Variants in ANO4 observed in about 807,000 individuals in gnomAD.
ANO4 encodes the protein anoctamin 4.
ANO4 carries 69 observed loss-of-function variants against 141.9 expected under a neutral mutation model. The ratio of observed to expected loss-of-function variants is 0.49; its 90% CI spans 0.40 to 0.59. ANO4 has a LOEUF of 0.59. ANO4 is among the 20% of genes least tolerant of loss of function. The pLI is 0.00. For synonymous variants in ANO4, 350 were observed against 394.3 expected (o/e 0.89, Z 1.33); for missense variants, 894 against 1,162.2 (o/e 0.77, Z 3.36).
chr12:101,082,730 A>G (rs1171036153), intron 15 of ANO4, among the ~76,000 whole-genome samples: 1 of 151,578 alleles, frequency 6.6e-6, no homozygotes, highest in African/African-American at 2.4e-5. Context: ...GCTGCTGCCA[A>G]ACTGGGCTCT....
At chr12:100,884,315 A>G (rs2039716029) in intron 1 of ANO4, among the ~76,000 whole-genome samples, 1 of 151,994 alleles carries the variant, frequency 6.6e-6, no homozygotes, top group Non-Finnish European at 1.5e-5. Flanking sequence ...ATGGTCAGTT[A>G]AGGAAATTAA....
At chr12:100,827,223 C>A (rs933455598) in intron 1 of ANO4, among the ~76,000 whole-genome samples, 56 of 152,114 alleles carry the variant, frequency 3.7e-4, no homozygotes, top group African/African-American at 1.3e-3. Flanking sequence ...GCCACACAGG[C>A]CCTTTTGATG....
intron 2 of ANO4, among the ~76,000 whole-genome samples, chr12:100,909,126 G>A (rs2136057192): frequency 6.6e-6 from 1 of 152,286 alleles, no homozygotes; most frequent in Admixed American, 6.5e-5. Flanking sequence ...AATGTGGATG[G>A]AAAACCTAAA....
intron 3 of ANO4, among the ~76,000 whole-genome samples, chr12:100,924,562 C>T (rs538101790): frequency 2.2e-4 from 33 of 151,972 alleles, no homozygotes; most frequent in Admixed American, 3.9e-4. Context: ...CTATTTATTC[C>T]GGTTGAACAA....
intron 16 of ANO4, among the ~76,000 whole-genome samples, chr12:101,084,579 A>G (rs2049408521): frequency 1.3e-5 from 2 of 152,162 alleles, no homozygotes; most frequent in South Asian, 4.1e-4. Context: ...GGACAAGACT[A>G]TAGCAAATTC....
chr12:100,899,620 T>G (rs946281915), intron 1 of ANO4, among the ~76,000 whole-genome samples: 2 of 152,222 alleles, frequency 1.3e-5, no homozygotes, highest in Non-Finnish European at 2.9e-5. Context: ...CCTTAAGATT[T>G]GCTAGAGTTT....
chr12:100,784,308 T>A (rs1565873368), intron 3 of ANO4, among the ~76,000 whole-genome samples: 1 of 152,174 alleles, frequency 6.6e-6, no homozygotes, highest in East Asian at 1.9e-4. Flanking sequence ...TTCCCTCTTG[T>A]AGGGATCTTC....
At chr12:101,110,673 AT>A in intron 23 of ANO4, 117 bp downstream of exon 23, 1 of 912,942 alleles carries the variant, frequency 1.1e-6, no homozygotes, top group Non-Finnish European at 1.5e-6. Context: ...AATTCACCTA[AT>A]TTTTGCAAAG....
chr12:101,096,171 A>G (rs1418332787), intron 18 of ANO4, among the ~76,000 whole-genome samples: 1 of 150,486 alleles, frequency 6.6e-6, no homozygotes, highest in African/African-American at 2.4e-5. Context: ...CTAAGCCTGC[A>G]TAGATTAAGA....
At chr12:100,739,790 A>G (rs2031782317) in intron 2 of ANO4, 1 of 680,344 alleles carries the variant, frequency 1.5e-6, no homozygotes, top group Non-Finnish European at 2.7e-6. Context: ...TTGGGGAAGT[A>G]TGAAAATAAG....
intron 5 of ANO4, among the ~76,000 whole-genome samples, chr12:100,958,775 G>T (rs1408365842): frequency 1.3e-5 from 2 of 152,202 alleles, no homozygotes; most frequent in African/African-American, 4.8e-5. Context: ...TTGAGACTGG[G>T]AGGTTGAGGC....
At chr12:100,921,982 A>C (rs953288629) in intron 2 of ANO4, among the ~76,000 whole-genome samples, 4 of 152,130 alleles carry the variant, frequency 2.6e-5, no homozygotes, top group African/African-American at 9.7e-5. Flanking sequence ...GTGTTTCCTT[A>C]TAAAAAAGTA....
rs1593379234 is a variant in ANO4 at position 100,806,523 on chromosome 12, C to CTTTTTTTTTTTTTTTTTT, written c.-141+11496_-141+11497insTTTTTTTTTTTTTTTTTT. Among the ~76,000 whole-genome samples the CTTTTTTTTTTTTTTTTTT allele has an allele frequency of 2.9e-3, 129 of 44,976 alleles. 33 individuals carry two copies. The highest frequency in any genetic ancestry group is 4.1e-3 in the African/African-American group (56 of 13,676). 29.5% of individuals were successfully genotyped at this position (44,976 alleles called of 152,430 possible). On this transcript the variant is annotated intron_variant, in intron 1 of 27. Coordinates refer to ENST00000392977, the MANE Select transcript of ANO4 (RefSeq NM_001286615.2). Reference sequence around the variant, plus strand: ...TTTTTAGGAGGTTTTTTTTTTGTTTCGTTTTTTTTTTTTTTTTTTTTTTTT... The same window carrying CTTTTTTTTTTTTTTTTTT: ...TTTTTAGGAGGTTTTTTTTTTGTTTCTTTTTTTTTTTTTTTTTTGTTTTTTTTTTTTTTTTTTTTTTTT...
chr12:100,804,364 A>G (rs1308544267), intron 1 of ANO4, among the ~76,000 whole-genome samples: 1 of 152,148 alleles, frequency 6.6e-6, no homozygotes, highest in Non-Finnish European at 1.5e-5. Flanking sequence ...ATGGGCATTT[A>G]GGTTGGTTCC....
At chr12:101,062,580 G>A (rs996612717) in intron 14 of ANO4, among the ~76,000 whole-genome samples, 5 of 152,212 alleles carry the variant, frequency 3.3e-5, no homozygotes, top group African/African-American at 1.2e-4. Flanking sequence ...GGGATGCCCT[G>A]CCCAGGGAGG....
At chr12:101,030,722 TAAAG>T (rs2046940180) in intron 9 of ANO4, among the ~76,000 whole-genome samples, 1 of 151,646 alleles carries the variant, frequency 6.6e-6, no homozygotes, top group South Asian at 2.1e-4. Flanking sequence ...GCTAGACTAA[TAAAG>T]AAGAAAAGAG....
intron 1 of ANO4, among the ~76,000 whole-genome samples, chr12:100,728,157 A>G (rs1380482143): frequency 2.0e-5 from 3 of 152,206 alleles, no homozygotes; most frequent in Non-Finnish European, 4.4e-5. Flanking sequence ...GGAAAGACAT[A>G]AATAGGCACT....
intron 1 of ANO4, among the ~76,000 whole-genome samples, chr12:100,727,814 C>G (rs960245559): frequency 1.3e-5 from 2 of 152,100 alleles, no homozygotes; most frequent in African/African-American, 4.8e-5. Context: ...TCCTCACCAC[C>G]CTACCCCATC....
intron 1 of ANO4, among the ~76,000 whole-genome samples, chr12:100,724,609 A>G (rs923967105): frequency 3.9e-5 from 6 of 152,238 alleles, no homozygotes; most frequent in Middle Eastern, 3.2e-3. Flanking sequence ...AGCTCTTCCC[A>G]GTGGAAACAC....
Sources: gnomAD v4.1 joint callset for allele counts (sites outside exome capture counted in the v4.1 genomes callset) on GRCh38, gnomAD v4.1.1 for gene constraint, MANE v1.5 for transcripts, NCBI Gene and HGNC (gene_info 2026-07-23, HGNC 2026-07-21) for gene names.